Variants in CTNNAL1 observed in about 807,000 individuals in gnomAD.
CTNNAL1 encodes the protein catenin alpha like 1, also known as alpha-catulin.
Under a neutral mutation model 93.6 loss-of-function variants are expected in CTNNAL1, and 69 were observed. The ratio of observed to expected loss-of-function variants is 0.74; its 90% CI spans 0.61 to 0.90. The LOEUF is 0.90. CTNNAL1 is among the 40% of genes least tolerant of loss of function. CTNNAL1 has a pLI of 0.00. For synonymous variants in CTNNAL1, 286 were observed against 305.4 expected (o/e 0.94, Z 0.66); for missense variants, 836 against 862.0 (o/e 0.97, Z 0.38).
intron 5 of CTNNAL1, 67 bp downstream of exon 5, chr9:108,984,280 G>T: frequency 2.5e-6 from 2 of 800,902 alleles, no homozygotes; most frequent in Non-Finnish European, 2.2e-6. Context: ...AATTATGTAA[G>T]TTAAATGCAT....
chr9:108,981,792 G>A (rs558503055), intron 6 of CTNNAL1, among the ~76,000 whole-genome samples: 1 of 152,192 alleles, frequency 6.6e-6, no homozygotes, highest in South Asian at 2.1e-4. Flanking sequence ...GGCTGTGGTG[G>A]TGGGTGCCTG....
chr9:109,000,719 G>T (rs1826780347), intron 1 of CTNNAL1, among the ~76,000 whole-genome samples: 1 of 147,728 alleles, frequency 6.8e-6, no homozygotes, highest in Admixed American at 6.8e-5. Flanking sequence ...AAAAAAAAAA[G>T]CCCTTAGGAA....
rs557257085 is a variant in CTNNAL1, at chr9:108,956,080, G to C, written c.1592-253C>G. 6.6e-5 allele frequency among the ~76,000 whole-genome samples: 10 copies of C among 152,282 alleles called. No individual in the cohort carries two copies. The South Asian group carries it at 2.1e-3, about 32-fold the overall frequency. On this transcript the variant is annotated intron_variant, in intron 11 of 18. Coordinates refer to ENST00000325551, the MANE Select transcript of CTNNAL1 (RefSeq NM_003798.4). The stretch of plus-strand genomic sequence containing the variant: ...CCTCTCCCAACATTAAGGGAGAAAG[G>C]CAAATGTCCCACTGACATTTACTGC...
At chr9:108,971,088 T>C (rs915554004) in intron 9 of CTNNAL1, among the ~76,000 whole-genome samples, 1 of 152,204 alleles carries the variant, frequency 6.6e-6, no homozygotes, top group Non-Finnish European at 1.5e-5. Flanking sequence ...AGTTTCCCTA[T>C]AGTTATAATA....
chr9:108,970,975 A>G (rs990001394), intron 9 of CTNNAL1, among the ~76,000 whole-genome samples: 2 of 152,238 alleles, frequency 1.3e-5, no homozygotes, highest in African/African-American at 4.8e-5. Context: ...CAGACCCTAT[A>G]TCAGAGGAAA....
At chr9:108,991,477 A>G (rs955079610) in intron 3 of CTNNAL1, among the ~76,000 whole-genome samples, 1 of 152,228 alleles carries the variant, frequency 6.6e-6, no homozygotes, top group South Asian at 2.1e-4. Context: ...GATGTGAAAC[A>G]TATTTTCAAA....
intron 15 of CTNNAL1, among the ~76,000 whole-genome samples, chr9:108,945,488 G>T (rs186488305): frequency 5.3e-4 from 79 of 147,920 alleles, no homozygotes; most frequent in Non-Finnish European, 9.7e-4. Flanking sequence ...TTGAGACAGG[G>T]TCTCACTCTG....
At chr9:108,993,712 T>C (rs1287917494) in intron 2 of CTNNAL1, among the ~76,000 whole-genome samples, 2 of 152,226 alleles carry the variant, frequency 1.3e-5, no homozygotes, top group African/African-American at 4.8e-5. Context: ...GTTAAAAAGA[T>C]TTTTAAAATA....
chr9:108,996,949 G>A (rs913248192), intron 2 of CTNNAL1, among the ~76,000 whole-genome samples: 2 of 151,946 alleles, frequency 1.3e-5, no homozygotes, highest in Non-Finnish European at 2.9e-5. Flanking sequence ...TTGCCTTCCA[G>A]GAAGTACAAA....
rs201676356 is a variant in CTNNAL1, at chr9:108,990,723, T to C, written c.639+3A>G. 6.2e-6 allele frequency: 10 copies of C among 1,610,176 alleles called. No homozygotes were observed. The highest frequency in any genetic ancestry group is 2.2e-5 in the East Asian group (1 of 44,792). ...AAGATTGTAAAATGTGATGAATACA[T>C]ACATTTTGTCTATCTCCACTCAGAT... On this transcript the variant is annotated splice_donor_region_variant and intron_variant, in intron 4 of 18. Coordinates refer to ENST00000325551, the MANE Select transcript of CTNNAL1 (RefSeq NM_003798.4).
At chr9:108,974,273 A>G (rs1331223397) in intron 8 of CTNNAL1, among the ~76,000 whole-genome samples, 2 of 152,226 alleles carry the variant, frequency 1.3e-5, no homozygotes, top group Admixed American at 6.5e-5. Flanking sequence ...TCACAAGGAG[A>G]TCATCTTCTA....
At chr9:108,957,741 C>A (rs967961539) in intron 11 of CTNNAL1, among the ~76,000 whole-genome samples, 18 of 152,198 alleles carry the variant, frequency 1.2e-4, no homozygotes, top group South Asian at 1.0e-3. Flanking sequence ...TCAAAATTCA[C>A]CATCTATCTT....
intron 18 of CTNNAL1, 26 bp from the exon 19 acceptor site, chr9:108,942,860 T>C: frequency 6.2e-7 from 1 of 1,613,020 alleles, no homozygotes; most frequent in Non-Finnish European, 8.5e-7. Flanking sequence ...ACAATTAGTA[T>C]CTGGTTTCAC....
At chr9:108,971,456 G>A (rs137971082) in intron 9 of CTNNAL1, among the ~76,000 whole-genome samples, 10 of 152,182 alleles carry the variant, frequency 6.6e-5, no homozygotes, top group South Asian at 2.1e-4. Flanking sequence ...AATAATCCCC[G>A]CATGTCAAAG....
chr9:108,992,595 A>G (rs1210694841), intron 3 of CTNNAL1, 37 bp downstream of exon 3: 1 of 1,564,370 alleles, frequency 6.4e-7, no homozygotes, highest in Non-Finnish European at 8.6e-7. Context: ...AACAACACAG[A>G]AAGACAAAAA....
At chr9:108,946,949 C>A (rs1184989200) in intron 15 of CTNNAL1, among the ~76,000 whole-genome samples, 1 of 152,046 alleles carries the variant, frequency 6.6e-6, no homozygotes, top group Non-Finnish European at 1.5e-5. Context: ...TTTCAACTAT[C>A]TTAAGGGAAA....
chr9:109,006,091 G>A (rs916282920), intron 1 of CTNNAL1, among the ~76,000 whole-genome samples: 1 of 152,122 alleles, frequency 6.6e-6, no homozygotes, highest in Non-Finnish European at 1.5e-5. Flanking sequence ...GAAAATATAG[G>A]AGAGCCTCAA....
Position 109,013,333 on chromosome 9 carries a change from AC to A in CTNNAL1, c.109del (p.Val37TrpfsTer35). On this transcript the variant is annotated frameshift_variant, in exon 1 of 19. Transcript: ENST00000325551. LOFTEE classifies it high-confidence loss of function. The part of the protein sequence containing the change: ...DSGLEIKTRS[V>X]EQTLLPLVSQ... ...AACCAGCGGGAGTAGCGTCTGCTCC[AC>A]CGAGCGAGTTTTGATCTCCAGTCCC... The A allele has an allele frequency of 6.6e-7, 1 of 1,515,048 alleles. No homozygotes were observed. Among genetic ancestry groups the A allele is most frequent in the South Asian group, 1.2e-5 (1 of 80,372 alleles). 93.9% of individuals were successfully genotyped at this position (1,515,048 alleles called of 1,614,324 possible). A position where few individuals can be genotyped will look rare whatever the true frequency, so the allele number is the denominator to read the frequency against.
At chr9:108,952,696 G>A (rs1328046917) in intron 12 of CTNNAL1, among the ~76,000 whole-genome samples, 1 of 152,126 alleles carries the variant, frequency 6.6e-6, no homozygotes, top group Non-Finnish European at 1.5e-5. Flanking sequence ...TTTGAAATCT[G>A]GAGCCAGAGA....
Sources: allele counts gnomAD v4.1 joint callset (sites outside exome capture counted in the v4.1 genomes callset), GRCh38; gene constraint gnomAD v4.1.1; transcripts MANE v1.5; gene names NCBI Gene and HGNC (gene_info 2026-07-23, HGNC 2026-07-21).